Variants in GRB10 observed in about 807,000 individuals in gnomAD.
The protein encoded by GRB10 is growth factor receptor bound protein 10, also known as growth factor receptor-bound protein 10.
In GRB10, 20 loss-of-function variants were observed where a neutral mutation model predicts 80.9. That is an observed-to-expected ratio of 0.25 (90% CI 0.17 to 0.36). The LOEUF (loss-of-function observed/expected upper bound fraction) is 0.36, where lower values mean the gene tolerates loss of function less well. Ranked by LOEUF, GRB10 falls within the 10% of genes least tolerant of loss-of-function variation. The probability of loss-of-function intolerance (pLI) is 1.00; values close to 1 mark genes in which losing one functional copy is unlikely to be tolerated. For missense variants in GRB10, 548 were observed against 747.7 expected, an observed-to-expected ratio of 0.73 and a Z score of 3.12; for synonymous variants, 291 against 291.5, an observed-to-expected ratio of 1.00 and a Z score of 0.02.
At chr7:50,662,280 C>T (rs902814237) in intron 7 of GRB10, among the ~76,000 whole-genome samples, 1 of 152,088 alleles carries the variant, frequency 6.6e-6, no homozygotes, top group African/African-American at 2.4e-5. Flanking sequence ...TCTTCCTCTC[C>T]GATGGTCATG....
At chr7:50,777,427 T>TACACACACAC (rs1165846037) in intron 2 of GRB10, among the ~76,000 whole-genome samples, 4 of 24,476 alleles carry the variant, frequency 1.6e-4, no homozygotes, top group East Asian at 3.1e-3. Context: ...CAGCAATCTG[T>TACACACACAC]ATACACACAC....
At chr7:50,637,925 C>A (rs961408411) in intron 7 of GRB10, among the ~76,000 whole-genome samples, 2 of 152,020 alleles carry the variant, frequency 1.3e-5, no homozygotes, top group Non-Finnish European at 2.9e-5. Context: ...GATCTTTGAC[C>A]AAGTTGACAA....
At chr7:50,724,823 G>A (rs1354746769) in intron 4 of GRB10, among the ~76,000 whole-genome samples, 2 of 152,148 alleles carry the variant, frequency 1.3e-5, no homozygotes, top group Admixed American at 6.5e-5. Context: ...AATGTTACAG[G>A]AGGCCCATCT....
At chr7:50,628,276 T>G (rs1179650785) in intron 7 of GRB10, among the ~76,000 whole-genome samples, 1 of 152,104 alleles carries the variant, frequency 6.6e-6, no homozygotes, top group Admixed American at 6.5e-5. Flanking sequence ...ATCTGCAGGG[T>G]GGGTGAGAAT....
At chr7:50,709,042 G>A (rs975792992) in intron 4 of GRB10, among the ~76,000 whole-genome samples, 2 of 152,166 alleles carry the variant, frequency 1.3e-5, no homozygotes, top group Non-Finnish European at 2.9e-5. Flanking sequence ...GTGAAAGGAT[G>A]GGAGAGGGCA....
intron 5 of GRB10, among the ~76,000 whole-genome samples, chr7:50,698,977 AT>A: frequency 6.6e-6 from 1 of 152,352 alleles, no homozygotes; most frequent in Admixed American, 6.5e-5. Context: ...GCTCTGAAAC[AT>A]CCTATAATGC....
In GRB10 at chr7:50,614,787, G is replaced by C; in HGVS notation, c.1078C>G (p.His360Asp). Residue 360 changes from histidine to aspartate, a missense_variant, in exon 12 of 19, where the codon CAC becomes GAC. This residue lies in a region of GRB10 where 270 missense variants were observed against 433.6 expected (regional missense o/e 0.62). Transcript: ENST00000401949. Reference sequence around the variant, plus strand: ...GTGGGTACCTTTATGCAGAGCCCGTGGTCTGTAGGGGCGTTGTACTGCTTC... The same window carrying C: ...GTGGGTACCTTTATGCAGAGCCCGTCGTCTGTAGGGGCGTTGTACTGCTTC... ...GRKQYNAPTD[H>D]GLCIKPNKVR... The C allele has an allele frequency of 1.2e-6, 2 of 1,612,716 alleles. No individual in the cohort carries two copies. The highest frequency in any genetic ancestry group is 1.7e-6 in the Non-Finnish European group (2 of 1,178,782).
Position 50,653,772 on chromosome 7 carries a change from C to T in GRB10, c.504+15950G>A, listed in dbSNP as rs760035494. The stretch of plus-strand genomic sequence containing the variant: ...TTCACAGGGTCCATGACTAGCCACC[C>T]CTGCCATCCCCCAGGTGGCTACATG... On this transcript the variant is annotated intron_variant, in intron 7 of 18. Transcript: ENST00000401949. 4.8e-4 allele frequency among the ~76,000 whole-genome samples: 73 copies of T among 152,298 alleles called. 2 individuals are homozygous for T. The highest frequency in any genetic ancestry group is 2.9e-4 in the Non-Finnish European group (20 of 68,014).
In GRB10 at chr7:50,590,674, C is replaced by A. The variant is rs1211460496; in HGVS notation, c.*2278G>T. 6.6e-6 allele frequency: 1 copy of A among 152,666 alleles called. No homozygotes were observed. The highest frequency in any genetic ancestry group is 1.5e-5 in the Non-Finnish European group (1 of 68,044). The allele number at this position is 152,666 out of a possible 1,614,324, so 9.5% of individuals were successfully genotyped here. A position where few individuals can be genotyped will look rare whatever the true frequency, so the allele number is the denominator to read the frequency against. Reference sequence around the variant, plus strand: ...AAATAAAAGTCAAATGTCCTTCCGTCCCCGGTTTGCGGGACTTGTTCTCAG... The same window carrying A: ...AAATAAAAGTCAAATGTCCTTCCGTACCCGGTTTGCGGGACTTGTTCTCAG... On this transcript the variant is annotated 3_prime_UTR_variant, in exon 19 of 19. Coordinates refer to ENST00000401949, the MANE Select transcript of GRB10 (RefSeq NM_001350814.2).
intron 17 of GRB10, among the ~76,000 whole-genome samples, chr7:50,599,223 A>G (rs931602100): frequency 1.3e-5 from 2 of 152,122 alleles, no homozygotes; most frequent in Non-Finnish European, 2.9e-5. Flanking sequence ...GATTTCAGGA[A>G]TACTTGACGG....
chr7:50,686,746 T>G (rs2062147888), intron 5 of GRB10, among the ~76,000 whole-genome samples: 1 of 152,204 alleles, frequency 6.6e-6, no homozygotes. Flanking sequence ...TTTCCTCATC[T>G]TCCTACCAAA....
intron 7 of GRB10, among the ~76,000 whole-genome samples, chr7:50,668,723 T>C (rs2060064759): frequency 6.6e-6 from 1 of 152,238 alleles, no homozygotes; most frequent in Non-Finnish European, 1.5e-5. Context: ...CCTAGGGGTC[T>C]TCCTCCAGAG....
At chr7:50,740,536 C>T (rs1457196884) in intron 3 of GRB10, among the ~76,000 whole-genome samples, 1 of 151,956 alleles carries the variant, frequency 6.6e-6, no homozygotes, top group Non-Finnish European at 1.5e-5. Flanking sequence ...TTTTTAAAAG[C>T]TGTACCTTCC....
rs144692005 is a variant in GRB10 at position 50,728,063 on chromosome 7, T to C, written c.51+4209A>G. ...CTTGGAAAACCATTTTAGGTAAATG[T>C]CCTATCAGCTGGAACAGTCAAATAA... On this transcript the variant is annotated intron_variant, in intron 4 of 18. Coordinates refer to ENST00000401949, the MANE Select transcript of GRB10 (RefSeq NM_001350814.2). Among the ~76,000 whole-genome samples, 1,349 of 152,310 alleles carry C rather than the reference T, an allele frequency of 8.9e-3. 21 individuals are homozygous for C. The highest frequency in any genetic ancestry group is 0.031 in the African/African-American group (1,285 of 41,558).
At chr7:50,719,845 T>C (rs2067432566) in intron 4 of GRB10, among the ~76,000 whole-genome samples, 2 of 152,114 alleles carry the variant, frequency 1.3e-5, no homozygotes, top group South Asian at 4.1e-4. Context: ...GTGAGTTTAC[T>C]CCTTTTATAG....
At chr7:50,711,575 G>A (rs757406590) in intron 4 of GRB10, among the ~76,000 whole-genome samples, 4 of 152,164 alleles carry the variant, frequency 2.6e-5, no homozygotes, top group Non-Finnish European at 5.9e-5. Flanking sequence ...TATTGCAGCC[G>A]AGTGAAGAGT....
At chr7:50,752,217 G>C (rs1310362988) in intron 3 of GRB10, among the ~76,000 whole-genome samples, 1 of 152,092 alleles carries the variant, frequency 6.6e-6, no homozygotes, top group African/African-American at 2.4e-5. Flanking sequence ...AAAGTTATTA[G>C]GGGGGAAAAA....
At chr7:50,690,312 CAAACAAACA>C (rs1224807998) in intron 5 of GRB10, among the ~76,000 whole-genome samples, 161 of 48,790 alleles carry the variant, frequency 3.3e-3, no homozygotes, top group African/African-American at 9.6e-3. Context: ...AACAAACAAA[CAAACAAACA>C]AAAAAAACAG....
chr7:50,742,320 C>T (rs1162746782), intron 3 of GRB10, among the ~76,000 whole-genome samples: 2 of 150,496 alleles, frequency 1.3e-5, no homozygotes, highest in African/African-American at 2.5e-5. Flanking sequence ...CACACATACA[C>T]GGCATCCATT....
Sources: gnomAD v4.1 joint callset for allele counts (sites outside exome capture counted in the v4.1 genomes callset) on GRCh38, gnomAD v4.1.1 for gene constraint, gnomAD v4.1.1 regional missense constraint, MANE v1.5 for transcripts, NCBI Gene and HGNC (gene_info 2026-07-23, HGNC 2026-07-21) for gene names.